The following KLF7 variants were observed in gnomAD, a reference collection of about 807,000 sequenced individuals.
KLF7 encodes the protein KLF transcription factor 7.
KLF7 carries 2 observed loss-of-function variants against 27.3 expected under a neutral mutation model. The ratio of observed to expected loss-of-function variants is 0.07; its 90% CI spans 0.03 to 0.23. The LOEUF (loss-of-function observed/expected upper bound fraction) is 0.23, where lower values mean the gene tolerates loss of function less well. Among genes scored for constraint, KLF7 ranks in the 10% least tolerant of loss-of-function variants. KLF7 has a pLI of 1.00. For missense variants in KLF7, 221 were observed against 394.1 expected, an observed-to-expected ratio of 0.56 and a Z score of 3.72; for synonymous variants, 165 against 162.4, an observed-to-expected ratio of 1.02 and a Z score of -0.12.
intron 1 of KLF7, among the ~76,000 whole-genome samples, chr2:207,125,806 G>C (rs2077461315): frequency 1.3e-5 from 2 of 152,158 alleles, no homozygotes; most frequent in Admixed American, 6.5e-5. Context: ...TCACAGCAAG[G>C]TACAAGGCTT....
At position 207,103,453 on chromosome 2, in the gene KLF7, G is replaced by C. The variant is rs565266063; in HGVS notation, c.734-14872C>G. Among the ~76,000 whole-genome samples the C allele has an allele frequency of 2.6e-5, 4 of 152,168 alleles. 1 individual carries two copies. The highest frequency in any genetic ancestry group is 4.8e-5 in the African/African-American group (2 of 41,442). On this transcript the variant is annotated intron_variant, in intron 2 of 3. Coordinates refer to ENST00000309446, the MANE Select transcript of KLF7 (RefSeq NM_003709.4). Reference sequence around the variant, plus strand: ...CAGACTTTATATTAAAGAGAAAAAAGAAATCTTACATCTTTAAGCTCCTGT... The same window carrying C: ...CAGACTTTATATTAAAGAGAAAAAACAAATCTTACATCTTTAAGCTCCTGT...
intron 1 of KLF7, among the ~76,000 whole-genome samples, chr2:207,148,268 T>C (rs1325331804): frequency 2.0e-5 from 3 of 152,186 alleles, no homozygotes; most frequent in African/African-American, 4.8e-5. Context: ...CAGAGGTTGG[T>C]TGAGAGGCTG....
At chr2:207,161,412 A>C (rs942395015) in intron 1 of KLF7, among the ~76,000 whole-genome samples, 1 of 152,214 alleles carries the variant, frequency 6.6e-6, no homozygotes, top group African/African-American at 2.4e-5. Context: ...TGTGTCTACA[A>C]ATTTCCCTGG....
At chr2:207,088,621 A>G in intron 2 of KLF7, 40 bp from the exon 3 acceptor site, 1 of 1,603,998 alleles carries the variant, frequency 6.2e-7, no homozygotes, top group Non-Finnish European at 8.5e-7. Context: ...AGCAGCAGGA[A>G]CAAAAGGGAT....
chr2:207,163,919 A>C (rs1047484457), intron 1 of KLF7, among the ~76,000 whole-genome samples: 4 of 152,278 alleles, frequency 2.6e-5, no homozygotes, highest in African/African-American at 4.8e-5. Flanking sequence ...GTTAAGGATA[A>C]GGAAAAGGAT....
At chr2:207,125,331 T>C (rs905238066) in intron 1 of KLF7, among the ~76,000 whole-genome samples, 4 of 152,318 alleles carry the variant, frequency 2.6e-5, no homozygotes, top group African/African-American at 9.6e-5. Flanking sequence ...ATTTAAGAAG[T>C]TTGTTCTAAA....
chr2:207,081,201 C>T lies in KLF7; in HGVS notation c.*12G>A, dbSNP rs369621645. ...CTAGCCGATGCCATGGCAACTCTGG[C>T]CTTTCGGTTTTTTAGATATGTCTCT... is the stretch of plus-strand genomic sequence containing the variant. On this transcript the variant is annotated 3_prime_UTR_variant, in exon 4 of 4. Coordinates refer to ENST00000309446, the MANE Select transcript of KLF7 (RefSeq NM_003709.4). 2.2e-5 allele frequency: 35 copies of T among 1,613,440 alleles called. 1 individual carries two copies. Among genetic ancestry groups the T allele is most frequent in the Admixed American group, 3.3e-5 (2 of 59,998 alleles).
In KLF7 at chr2:207,086,462, G is replaced by GATCT. The variant is rs564269589; in HGVS notation, c.857+1992_857+1995dup. Among the ~76,000 whole-genome samples, 987 of 152,102 alleles carry GATCT rather than the reference G, an allele frequency of 6.5e-3. 12 individuals are homozygous for GATCT. The highest frequency in any genetic ancestry group is 0.021 in the South Asian group (102 of 4,826). On this transcript the variant is annotated intron_variant, in intron 3 of 3. Coordinates refer to ENST00000309446, the MANE Select transcript of KLF7 (RefSeq NM_003709.4). ...CTATTGGCCTGTGTCGCGGGACGCT[G>GATCT]ATCTACTCAATCTCCCACAAATACC...
chr2:207,130,136 GTTTC>G (rs10554620), intron 1 of KLF7, among the ~76,000 whole-genome samples: 91,528 of 151,442 alleles, frequency 0.6, 28,004 homozygotes, highest in Admixed American at 0.68. Flanking sequence ...TACCTAAAGG[GTTTC>G]TTTCCTTCAC....
intron 1 of KLF7, among the ~76,000 whole-genome samples, chr2:207,137,255 C>T (rs1449950215): frequency 1.3e-5 from 2 of 152,188 alleles, no homozygotes; most frequent in African/African-American, 4.8e-5. Context: ...GGAATTCATT[C>T]CCTGACATTA....
chr2:207,137,605 T>C (rs1384162251), intron 1 of KLF7, among the ~76,000 whole-genome samples: 1 of 152,092 alleles, frequency 6.6e-6, no homozygotes, highest in African/African-American at 2.4e-5. Flanking sequence ...GGGTATGGAG[T>C]TTGAACTAGG....
chr2:207,169,827 T>G (rs1011922252), upstream of KLF7, among the ~76,000 whole-genome samples: 1 of 152,172 alleles, frequency 6.6e-6, no homozygotes, highest in Non-Finnish European at 1.5e-5. Context: ...TGTGCCCAAA[T>G]AAGACATAGA....
chr2:207,128,826 CAAAG>C (rs1303617655), intron 1 of KLF7, among the ~76,000 whole-genome samples: 4 of 152,100 alleles, frequency 2.6e-5, no homozygotes, highest in Admixed American at 6.5e-5. Flanking sequence ...TCACAAAGAA[CAAAG>C]AAAGACTGAG....
intron 3 of KLF7, among the ~76,000 whole-genome samples, chr2:207,087,199 A>G (rs1296551796): frequency 2.6e-5 from 4 of 152,240 alleles, no homozygotes. Flanking sequence ...AACTGCATAA[A>G]GTACACTTCC....
intron 3 of KLF7, among the ~76,000 whole-genome samples, chr2:207,084,220 G>A (rs1301134027): frequency 1.3e-5 from 2 of 152,148 alleles, no homozygotes; most frequent in Non-Finnish European, 2.9e-5. Context: ...TGGGATTTGA[G>A]ATGGTAAGGA....
At chr2:207,144,979 C>G (rs530316099) in intron 1 of KLF7, among the ~76,000 whole-genome samples, 1 of 152,222 alleles carries the variant, frequency 6.6e-6, no homozygotes, top group Non-Finnish European at 1.5e-5. Flanking sequence ...AAGCCAGAAT[C>G]AGACAAATGC....
Position 207,077,776 on chromosome 2 carries a change from T to C in KLF7, c.*3437A>G, listed in dbSNP as rs1307417775. On this transcript the variant is annotated 3_prime_UTR_variant, in exon 4 of 4. Coordinates refer to ENST00000309446, the MANE Select transcript of KLF7 (RefSeq NM_003709.4). The stretch of plus-strand genomic sequence containing the variant: ...ACAGTCATGTGGCAGGAGAAAGAAG[T>C]ATAATTTGAAATTACAAAAAAAAAA... The C allele has an allele frequency of 2.1e-5, 3 of 144,748 alleles. No individual in the cohort carries two copies. Among genetic ancestry groups the C allele is most frequent in the Non-Finnish European group, 4.7e-5 (3 of 64,346 alleles). The allele number at this position is 144,748 out of a possible 1,614,324, so 9.0% of individuals were successfully genotyped here. A position where few individuals can be genotyped will look rare whatever the true frequency, so the allele number is the denominator to read the frequency against.
In KLF7 at chr2:207,123,892, C is replaced by G; in HGVS notation, c.615G>C (p.Gly205=). Residue 205 remains glycine, a synonymous_variant, in exon 2 of 4, where the codon GGG becomes GGC. Coordinates refer to ENST00000309446, the MANE Select transcript of KLF7 (RefSeq NM_003709.4). ...KSGQSDSDQG[G]LGAEACPENK... is the part of the protein sequence containing the mutation. ...TTTCGGGACATGCTTCAGCCCCCAG[C>G]CCTCCTTGGTCACTGTCGCTCTGTC... The G allele has an allele frequency of 6.2e-7, 1 of 1,613,920 alleles. No homozygotes were observed. The highest frequency in any genetic ancestry group is 1.1e-5 in the South Asian group (1 of 91,066).
At chr2:207,165,410 A>C in intron 1 of KLF7, 57 bp downstream of exon 1, 1 of 1,612,294 alleles carries the variant, frequency 6.2e-7, no homozygotes, top group Non-Finnish European at 8.5e-7. Context: ...ACACCAACGC[A>C]GCCCCTGCGT....
Sources: allele counts gnomAD v4.1 joint callset (sites outside exome capture counted in the v4.1 genomes callset), GRCh38; gene constraint gnomAD v4.1.1; transcripts MANE v1.5; gene names NCBI Gene and HGNC (gene_info 2026-07-23, HGNC 2026-07-21).